ZNF385D: variants seen among roughly 807,000 people sequenced by gnomAD.
ZNF385D encodes the protein zinc finger protein 385D.
ZNF385D carries 15 observed loss-of-function variants against 35.8 expected under a neutral mutation model. The ratio of observed to expected loss-of-function variants is 0.42; its 90% CI spans 0.28 to 0.64. ZNF385D has a LOEUF of 0.64. ZNF385D is among the 30% of genes least tolerant of loss of function. ZNF385D has a pLI of 0.23. For synonymous variants in ZNF385D, 212 were observed against 186.8 expected (o/e 1.13, Z -1.10); for missense variants, 474 against 494.6 (o/e 0.96, Z 0.39).
chr3:22,292,633 G>T (rs1575054634), intron 2 of ZNF385D, among the ~76,000 whole-genome samples: 1 of 152,090 alleles, frequency 6.6e-6, no homozygotes, highest in South Asian at 2.1e-4. Context: ...AAGATCTACA[G>T]ACTTCAATAG....
At position 22,367,307 on chromosome 3, in the gene ZNF385D, G is replaced by GA. The variant is rs201099532; in HGVS notation, c.106+5142dup. ...TGATTAAATTCTCACCACTTTTAAA[G>GA]AAAAAAAACAAGGATTCAAATCCAG... On this transcript the variant is annotated intron_variant, in intron 2 of 5. Coordinates refer to the ZNF385D transcript ENST00000494108. 5.2e-3 allele frequency among the ~76,000 whole-genome samples: 788 copies of GA among 151,674 alleles called. 4 individuals are homozygous for GA. The highest frequency in any genetic ancestry group is 0.017 in the African/African-American group (724 of 41,398).
chr3:21,753,692 T>A (rs1434867413), upstream of ZNF385D, among the ~76,000 whole-genome samples: 3 of 152,244 alleles, frequency 2.0e-5, no homozygotes, highest in African/African-American at 7.2e-5. Context: ...TTGTTTTAAT[T>A]GTATACTTTT....
At chr3:21,617,577 A>C (rs1180822900) in intron 2 of ZNF385D, among the ~76,000 whole-genome samples, 1 of 152,198 alleles carries the variant, frequency 6.6e-6, no homozygotes, top group Non-Finnish European at 1.5e-5. Context: ...TTTTTCCTGC[A>C]CAGATGCAGA....
At chr3:21,438,078 C>T (rs570210571) in intron 4 of ZNF385D, among the ~76,000 whole-genome samples, 1 of 152,258 alleles carries the variant, frequency 6.6e-6, no homozygotes, top group African/African-American at 2.4e-5. Context: ...GATCAATCTC[C>T]AAAGTAAAAC....
chr3:22,235,685 A>G (rs1208036323), intron 2 of ZNF385D, among the ~76,000 whole-genome samples: 11 of 152,126 alleles, frequency 7.2e-5, no homozygotes, highest in Non-Finnish European at 1.2e-4. Context: ...TTTGGAGTCA[A>G]AAACTGAAAA....
At chr3:22,145,829 G>T (rs1704815340) in intron 3 of ZNF385D, among the ~76,000 whole-genome samples, 3 of 152,152 alleles carry the variant, frequency 2.0e-5, no homozygotes, top group Admixed American at 2.0e-4. Context: ...CTGTGTCTTA[G>T]CCACTGATCA....
At chr3:21,922,701 G>C (rs978799061) in intron 3 of ZNF385D, among the ~76,000 whole-genome samples, 1 of 152,036 alleles carries the variant, frequency 6.6e-6, no homozygotes, top group African/African-American at 2.4e-5. Flanking sequence ...GAAAACCTAG[G>C]AAACACCATC....
intron 2 of ZNF385D, among the ~76,000 whole-genome samples, chr3:22,342,079 T>A (rs7619364): frequency 1.3e-5 from 2 of 151,458 alleles, no homozygotes; most frequent in Admixed American, 1.3e-4. Flanking sequence ...ATCGAGACCA[T>A]CCTGGCTAAC....
intron 3 of ZNF385D, among the ~76,000 whole-genome samples, chr3:21,982,701 T>TA (rs1436555387): frequency 4.6e-5 from 7 of 152,208 alleles, no homozygotes; most frequent in African/African-American, 1.7e-4. Flanking sequence ...GCCTATTCAG[T>TA]ATAACATTGA....
At chr3:22,092,695 TG>T (rs1701395705) in intron 3 of ZNF385D, among the ~76,000 whole-genome samples, 1 of 152,132 alleles carries the variant, frequency 6.6e-6, no homozygotes, top group South Asian at 2.1e-4. Flanking sequence ...GTTTATTCTT[TG>T]CTAGCAAATC....
At chr3:22,196,379 G>T (rs567101688) in intron 2 of ZNF385D, among the ~76,000 whole-genome samples, 1 of 151,982 alleles carries the variant, frequency 6.6e-6, no homozygotes, top group Non-Finnish European at 1.5e-5. Flanking sequence ...AACAATAGAA[G>T]TAGGATTGTC....
intron 2 of ZNF385D, among the ~76,000 whole-genome samples, chr3:22,222,011 C>T (rs535993419): frequency 9.9e-5 from 15 of 151,842 alleles, no homozygotes; most frequent in East Asian, 3.9e-4. Flanking sequence ...CAGTCTCATT[C>T]CATCGTCCAG....
intron 3 of ZNF385D, among the ~76,000 whole-genome samples, chr3:22,157,918 C>A (rs2125733587): frequency 6.6e-6 from 1 of 152,218 alleles, no homozygotes; most frequent in Non-Finnish European, 1.5e-5. Context: ...CCAACCTTAA[C>A]TGGAATAGAG....
intron 4 of ZNF385D, among the ~76,000 whole-genome samples, chr3:21,490,736 T>G (rs1553600732): frequency 6.6e-6 from 1 of 151,464 alleles, no homozygotes; most frequent in African/African-American, 2.4e-5. Flanking sequence ...GAAATGTGTG[T>G]GTTTGAAAGG....
At chr3:21,779,813 T>C (rs910473067) in intron 3 of ZNF385D, among the ~76,000 whole-genome samples, 1 of 151,958 alleles carries the variant, frequency 6.6e-6, no homozygotes, top group Non-Finnish European at 1.5e-5. Flanking sequence ...AGTATGGCTT[T>C]AGATTTAGGG....
chr3:21,611,286 A>G (rs1261861064), intron 2 of ZNF385D, among the ~76,000 whole-genome samples: 1 of 152,146 alleles, frequency 6.6e-6, no homozygotes, highest in Non-Finnish European at 1.5e-5. Flanking sequence ...ATGTATTATC[A>G]TTTCCCATTT....
At position 21,471,271 on chromosome 3, in the gene ZNF385D, TCTTTCTCTCTCTCTCTCTCTCTCTCA is replaced by T. The variant is rs1307643944; in HGVS notation, c.440-34094_440-34069del. Among the ~76,000 whole-genome samples, 238 of 106,754 alleles carry T rather than the reference TCTTTCTCTCTCTCTCTCTCTCTCTCA, an allele frequency of 2.2e-3. 1 individual carries two copies. The highest frequency in any genetic ancestry group is 8.2e-3 in the South Asian group (21 of 2,548). The allele number at this position is 106,754 out of a possible 152,430, so 70.0% of individuals were successfully genotyped here. A position where few individuals can be genotyped will look rare whatever the true frequency, so the allele number is the denominator to read the frequency against. ...CCCTCCCTTTCTCTCTCTCTCTCTC[TCTTTCTCTCTCTCTCTCTCTCTCTCA>T]CACACACACACACACACACACACAC... On this transcript the variant is annotated intron_variant, in intron 4 of 7. Transcript: ENST00000281523.
At chr3:22,232,749 T>C (rs1055989009) in intron 2 of ZNF385D, among the ~76,000 whole-genome samples, 10 of 152,330 alleles carry the variant, frequency 6.6e-5, no homozygotes, top group South Asian at 2.1e-4. Context: ...TAGTATTCCA[T>C]GGTGTGTGCC....
intron 1 of ZNF385D, among the ~76,000 whole-genome samples, chr3:21,687,890 TA>T (rs1390187541): frequency 1.3e-5 from 2 of 152,152 alleles, no homozygotes; most frequent in Admixed American, 1.3e-4. Context: ...TCTGACAATG[TA>T]AACAAAATCT....
Sources: allele counts gnomAD v4.1 joint callset (sites outside exome capture counted in the v4.1 genomes callset), GRCh38; gene constraint gnomAD v4.1.1; transcripts MANE v1.5; gene names NCBI Gene and HGNC (gene_info 2026-07-23, HGNC 2026-07-21).